Variants in MRPS22 observed in about 807,000 individuals in gnomAD.
MRPS22 encodes the protein small ribosomal subunit protein mS22.
A neutral mutation model predicts 44.0 loss-of-function variants in MRPS22; 30 were observed. The observed-to-expected ratio is 0.68, with a 90% CI of 0.51 to 0.93. The LOEUF is 0.93. Ranked by LOEUF, MRPS22 falls within the 40% of genes least tolerant of loss-of-function variation. The pLI is 0.00. For synonymous variants in MRPS22, 165 were observed against 154.4 expected (o/e 1.07, Z -0.51); for missense variants, 447 against 447.8 (o/e 1.00, Z 0.02).
At chr3:139,344,686 C>T (rs1941005211) in intron 1 of MRPS22, 1 of 701,210 alleles carries the variant, frequency 1.4e-6, no homozygotes, top group Non-Finnish European at 2.6e-6. Context: ...AGAAATGAGA[C>T]TGAGCACAGA....
chr3:139,353,861 T>C (rs780950901), intron 6 of MRPS22, among the ~76,000 whole-genome samples: 5 of 152,228 alleles, frequency 3.3e-5, no homozygotes, highest in Admixed American at 6.5e-5. Flanking sequence ...TTTCCACTTA[T>C]AAAGTTTCTT....
intron 1 of MRPS22, among the ~76,000 whole-genome samples, chr3:139,345,295 T>C (rs1354480541): frequency 6.6e-6 from 1 of 152,154 alleles, no homozygotes; most frequent in Non-Finnish European, 1.5e-5. Flanking sequence ...CTGTGGAGAA[T>C]GATCTGTAGT....
chr3:139,349,693 C>G (rs956524876), intron 3 of MRPS22, among the ~76,000 whole-genome samples: 3 of 152,184 alleles, frequency 2.0e-5, no homozygotes, highest in Non-Finnish European at 2.9e-5. Context: ...GACAGCCTCT[C>G]AGACATGTTT....
chr3:139,352,337 T>A (rs558283699), intron 5 of MRPS22: 23 of 283,932 alleles, frequency 8.1e-5, no homozygotes, highest in South Asian at 4.3e-4. Flanking sequence ...GCTAATTTTT[T>A]AAAAAATTTT....
chr3:139,353,329 C>A (rs1224118837), intron 6 of MRPS22, among the ~76,000 whole-genome samples: 1 of 152,190 alleles, frequency 6.6e-6, no homozygotes, highest in Non-Finnish European at 1.5e-5. Context: ...TGCTCCCAGG[C>A]TTCTAGCTGG....
Position 139,344,125 on chromosome 3 carries a change from C to G in MRPS22, c.99C>G (p.His33Gln). ...VCFRARIQPW[H>Q]GGLLQPLPCS... Reference sequence around the variant, plus strand: ...TCCGGGCTCGAATCCAGCCCTGGCACGGTGGCCTGCTCCAACCGCTACCTT... The same window carrying G: ...TCCGGGCTCGAATCCAGCCCTGGCAGGGTGGCCTGCTCCAACCGCTACCTT... The change falls in exon 1 of 8, where the codon CAC (histidine) becomes CAG (glutamine). Residue 33 changes from histidine to glutamine, a missense_variant. His to Gln is a conservative substitution (Grantham distance 24). Transcript: ENST00000680020. 1.2e-6 allele frequency: 2 copies of G among 1,613,994 alleles called. No individual in the cohort carries two copies. Among genetic ancestry groups the G allele is most frequent in the African/African-American group, 1.3e-5 (1 of 75,054 alleles).
At chr3:139,349,457 G>A (rs1941106928) in intron 3 of MRPS22, 1 of 309,972 alleles carries the variant, frequency 3.2e-6, no homozygotes, top group Non-Finnish European at 6.4e-6. Flanking sequence ...TATCAGCAAT[G>A]TGCAAAGCTC....
intron 6 of MRPS22, 124 bp downstream of exon 6, chr3:139,352,916 T>C: frequency 9.2e-7 from 1 of 1,081,708 alleles, no homozygotes; most frequent in Admixed American, 2.0e-5. Context: ...CCTCAGTTTA[T>C]GGATTTGTTC....
At position 139,357,097 on chromosome 3, in the gene MRPS22, A is replaced by G; in HGVS notation, c.*83A>G. The G allele has an allele frequency of 9.1e-7, 1 of 1,101,910 alleles. No homozygotes were observed. 68.3% of individuals were successfully genotyped at this position (1,101,910 alleles called of 1,614,324 possible). ...TTGAGCTAAATGTTAAAAAATGGCCAGATTAAAAGATATCAATTTGTAGTT... is the reference window on the plus strand; with the variant it reads ...TTGAGCTAAATGTTAAAAAATGGCCGGATTAAAAGATATCAATTTGTAGTT... On this transcript the variant is annotated 3_prime_UTR_variant, in exon 8 of 8. Transcript: ENST00000680020.
chr3:139,350,675 C>A lies in MRPS22; in HGVS notation c.649-302C>A, dbSNP rs397875589. 8.0e-3 allele frequency: 2,750 copies of A among 344,464 alleles called. 81 individuals carry two copies. The highest frequency in any genetic ancestry group is 0.059 in the African/African-American group (2,512 of 42,410). The allele number at this position is 344,464 out of a possible 1,614,324, so 21.3% of individuals were successfully genotyped here. Reference sequence around the variant, plus strand: ...ACTCCTGACCTCGGGATTCGCACCCCCCCCCCGCAATCCGACTCCCAAAGT... The same window carrying A: ...ACTCCTGACCTCGGGATTCGCACCCACCCCCCGCAATCCGACTCCCAAAGT... On this transcript the variant is annotated intron_variant, in intron 4 of 7. Transcript: ENST00000680020.
intron 7 of MRPS22, 119 bp downstream of exon 7, chr3:139,355,909 T>A (rs1941247169): frequency 3.9e-6 from 3 of 766,904 alleles, no homozygotes; most frequent in Non-Finnish European, 6.9e-6. Flanking sequence ...ATCTGTGGTC[T>A]TGAAAACATC....
In MRPS22 at chr3:139,355,756, AG is replaced by A; in HGVS notation, c.955del (p.Asp319IlefsTer7). The A allele has an allele frequency of 1.2e-6, 2 of 1,614,168 alleles. No individual in the cohort carries two copies. Among genetic ancestry groups the A allele is most frequent in the Non-Finnish European group, 1.7e-6 (2 of 1,180,000 alleles). On this transcript the variant is annotated frameshift_variant, in exon 7 of 8. Transcript: ENST00000680020. LOFTEE classifies it high-confidence loss of function. ...GATGGCCAGTCGGCTCAAGGGGCCA[AG>A]GATCAGGCTGCTGAGGGAATAAATT... Reference protein sequence around the residue: ...HPDGQSAQGAKDQAAEGINLI... With the variant: ...HPDGQSAQGAXDQAAEGINLI...
intron 3 of MRPS22, chr3:139,348,590 C>G (rs147399195): frequency 3.1e-4 from 131 of 423,142 alleles, no homozygotes; most frequent in African/African-American, 2.4e-3. Flanking sequence ...TACACAGATA[C>G]AGACAGAAAC....
rs1322185942 is a variant in MRPS22, at chr3:139,355,687, A to G, written c.884A>G (p.Asp295Gly). Residue 295 changes from aspartate (D) to glycine (G), a missense_variant, in exon 7 of 8, where the codon GAT (aspartate) becomes GGT (glycine). By Grantham distance (94) the Asp-to-Gly change is moderately conservative. Transcript: ENST00000680020. ...LIDQIQRDLI[D>G]DATNLVQLYH... ...TTAAACCCTTTCATTCTCAGAATCG[A>G]TGATGCAACCAACTTGGTCCAGCTG... 9 of 1,613,882 alleles carry G rather than the reference A, an allele frequency of 5.6e-6. No homozygotes were observed. Among genetic ancestry groups the G allele is most frequent in the Non-Finnish European group, 6.8e-6 (8 of 1,179,776 alleles).
rs548123818 is a variant in MRPS22, at chr3:139,346,815, T to C, written c.173-63T>C. 214 of 1,566,448 alleles carry C rather than the reference T, an allele frequency of 1.4e-4. 2 individuals carry two copies. The South Asian group carries it at 2.3e-3, about 17-fold the overall frequency. On this transcript the variant is annotated intron_variant, in intron 1 of 7. Coordinates refer to ENST00000680020, the MANE Select transcript of MRPS22 (RefSeq NM_020191.4). ...GCTTTTTATTGTTAACTGACTTTTC[T>C]ATTTAGAGGTCTTGTTAGCTTGTCA... is the stretch of plus-strand genomic sequence containing the variant.
chr3:139,344,049 T>G lies in MRPS22; in HGVS notation c.23T>G (p.Val8Gly). 1 of 1,614,104 alleles carries G rather than the reference T, an allele frequency of 6.2e-7. No individual in the cohort carries two copies. The highest frequency in any genetic ancestry group is 8.5e-7 in the Non-Finnish European group (1 of 1,180,018). The stretch of plus-strand genomic sequence containing the variant: ...ATCATGGCGCCCCTCGGAACAACTG[T>G]ATTGCTGTGGAGCCTCTTGAGGAGT... MAPLGTT[V>G]LLWSLLRSSP... The change falls in exon 1 of 8, where the codon GTA becomes GGA. Residue 8 changes from valine to glycine, a missense_variant. Coordinates refer to ENST00000680020, the MANE Select transcript of MRPS22 (RefSeq NM_020191.4).
At chr3:139,356,808 T>TTAAG (rs1245692507) in intron 7 of MRPS22, 111 bp from the exon 8 acceptor site, 1 of 753,386 alleles carries the variant, frequency 1.3e-6, no homozygotes, top group African/African-American at 1.8e-5. Flanking sequence ...AAAGCCCTTT[T>TTAAG]TAAGTAGGAC....
intron 1 of MRPS22, among the ~76,000 whole-genome samples, chr3:139,346,387 C>T (rs541382419): frequency 1.2e-4 from 19 of 152,250 alleles, no homozygotes; most frequent in East Asian, 1.2e-3. Context: ...TACCGAGGAG[C>T]GCTATGATAA....
chr3:139,344,180 C>A lies in MRPS22; in HGVS notation c.154C>A (p.Arg52=). ...TTTCGAGATGGGGCTGCCACGCCGC[C>A]GGTTCAGCTCCGAGGCCGGTAAGTG... ...CSFEMGLPRR[R]FSSEAAESGS... The change falls in exon 1 of 8, where the codon CGG becomes AGG. Residue 52 remains arginine, a synonymous_variant. Transcript: ENST00000680020. The A allele has an allele frequency of 1.9e-6, 3 of 1,610,630 alleles. No homozygotes were observed. The highest frequency in any genetic ancestry group is 2.5e-6 in the Non-Finnish European group (3 of 1,178,834).
Sources: allele counts gnomAD v4.1 joint callset (sites outside exome capture counted in the v4.1 genomes callset), GRCh38; gene constraint gnomAD v4.1.1; transcripts MANE v1.5; gene names NCBI Gene and HGNC (gene_info 2026-07-23, HGNC 2026-07-21).